EPB41L5: variants seen among roughly 807,000 people sequenced by gnomAD.
The protein encoded by EPB41L5 is band 4.1-like protein 5.
Under a neutral mutation model 106.6 loss-of-function variants are expected in EPB41L5, and 55 were observed. The ratio of observed to expected loss-of-function variants is 0.52; its 90% CI spans 0.42 to 0.65. EPB41L5 has a LOEUF of 0.65. EPB41L5 is among the 30% of genes least tolerant of loss of function. EPB41L5 has a pLI of 0.00. For missense variants in EPB41L5, 871 were observed against 882.1 expected (o/e 0.99, Z 0.16); for synonymous variants, 297 against 306.7 (o/e 0.97, Z 0.33).
chr2:120,074,208 GT>G (rs1682072321), intron 5 of EPB41L5, 30 bp downstream of exon 5: 1 of 1,533,396 alleles, frequency 6.5e-7, no homozygotes, highest in African/African-American at 1.4e-5. Context: ...TTGTGCCAGG[GT>G]TATTTTGATA....
chr2:120,177,392 C>T lies in EPB41L5; in HGVS notation c.*2485C>T, dbSNP rs971005919. On this transcript the variant is annotated 3_prime_UTR_variant, in exon 25 of 25. Coordinates refer to ENST00000263713, the MANE Select transcript of EPB41L5 (RefSeq NM_020909.4). ...GAGGGTTTGCCGTGCACGCCTCGGA[C>T]GGAGCACGGTGGGGTGGCGGGGAGC... 5 of 152,378 alleles carry T rather than the reference C, an allele frequency of 3.3e-5. No homozygotes were observed. Among genetic ancestry groups the T allele is most frequent in the African/African-American group, 7.2e-5 (3 of 41,414 alleles). 9.4% of individuals were successfully genotyped at this position (152,378 alleles called of 1,614,324 possible). A position where few individuals can be genotyped will look rare whatever the true frequency, so the allele number is the denominator to read the frequency against.
At chr2:120,087,301 T>C in intron 11 of EPB41L5, 61 bp downstream of exon 11, 2 of 1,033,700 alleles carry the variant, frequency 1.9e-6, no homozygotes, top group Middle Eastern at 2.1e-4. Context: ...TGGTAACTTA[T>C]TTCTCTAAAA....
At chr2:120,014,315 A>G (rs1677362056) in intron 1 of EPB41L5, among the ~76,000 whole-genome samples, 1 of 152,182 alleles carries the variant, frequency 6.6e-6, no homozygotes, top group African/African-American at 2.4e-5. Context: ...CTAGTTAGGA[A>G]CTAGAGTAGA....
intron 18 of EPB41L5, among the ~76,000 whole-genome samples, chr2:120,133,093 T>G (rs1489220409): frequency 6.6e-6 from 1 of 151,778 alleles, no homozygotes; most frequent in Non-Finnish European, 1.5e-5. Flanking sequence ...AAGGACAGAG[T>G]GCCATCAAAG....
intron 10 of EPB41L5, among the ~76,000 whole-genome samples, chr2:120,086,958 C>T (rs752857762): frequency 5.3e-5 from 8 of 152,130 alleles, no homozygotes; most frequent in Non-Finnish European, 7.3e-5. Flanking sequence ...CTGATATGTG[C>T]AACCTCAATT....
chr2:120,153,611 T>C (rs919736573), intron 20 of EPB41L5, among the ~76,000 whole-genome samples: 1 of 152,216 alleles, frequency 6.6e-6, no homozygotes, highest in African/African-American at 2.4e-5. Context: ...GTTACTATTA[T>C]AGAATTGTCT....
At chr2:120,133,319 C>T (rs1221290289) in intron 18 of EPB41L5, among the ~76,000 whole-genome samples, 1 of 152,100 alleles carries the variant, frequency 6.6e-6, no homozygotes, top group Non-Finnish European at 1.5e-5. Flanking sequence ...ATCATAGTAC[C>T]TGGTTTTAAC....
chr2:120,120,807 A>C (rs1314421375), intron 16 of EPB41L5, among the ~76,000 whole-genome samples: 1 of 152,130 alleles, frequency 6.6e-6, no homozygotes, highest in Non-Finnish European at 1.5e-5. Flanking sequence ...TTTTCTTCTT[A>C]TTGCTTCTTC....
intron 3 of EPB41L5, among the ~76,000 whole-genome samples, chr2:120,050,177 G>A (rs185515336): frequency 8.5e-5 from 13 of 152,126 alleles, no homozygotes; most frequent in African/African-American, 2.9e-4. Flanking sequence ...TCTTTGTGGC[G>A]TTCTCTCTAT....
At chr2:120,050,024 AAG>A (rs1471406109) in intron 3 of EPB41L5, among the ~76,000 whole-genome samples, 1 of 152,194 alleles carries the variant, frequency 6.6e-6, no homozygotes, top group African/African-American at 2.4e-5. Context: ...AGTTTCTGCC[AAG>A]AGATCCACTG....
At chr2:120,142,969 A>G in intron 18 of EPB41L5, 34 bp from the exon 19 acceptor site, 1 of 1,572,504 alleles carries the variant, frequency 6.4e-7, no homozygotes, top group Non-Finnish European at 8.7e-7. Context: ...ATAGTGCATC[A>G]GAGTTGATTA....
intron 3 of EPB41L5, among the ~76,000 whole-genome samples, chr2:120,071,635 A>G (rs1381267928): frequency 6.6e-6 from 1 of 152,118 alleles, no homozygotes; most frequent in Non-Finnish European, 1.5e-5. Context: ...CACATCCACA[A>G]CCATCTTATC....
At chr2:120,067,376 T>TG (rs1681515567) in intron 3 of EPB41L5, among the ~76,000 whole-genome samples, 1 of 152,176 alleles carries the variant, frequency 6.6e-6, no homozygotes. Context: ...TTTCTGAAAT[T>TG]GGATTCCTTG....
chr2:120,138,710 A>G (rs1323907442), intron 18 of EPB41L5, among the ~76,000 whole-genome samples: 1 of 152,104 alleles, frequency 6.6e-6, no homozygotes, highest in Non-Finnish European at 1.5e-5. Flanking sequence ...AAGATATTCC[A>G]TGTTCATGGA....
At chr2:120,151,425 G>T (rs1379243697) in intron 20 of EPB41L5, among the ~76,000 whole-genome samples, 1 of 152,076 alleles carries the variant, frequency 6.6e-6, no homozygotes, top group Non-Finnish European at 1.5e-5. Context: ...GCAGTGAACA[G>T]TTTGAAAACA....
At chr2:120,167,605 G>C in intron 23 of EPB41L5, 98 bp downstream of exon 23, 1 of 1,312,704 alleles carries the variant, frequency 7.6e-7, no homozygotes, top group South Asian at 1.2e-5. Context: ...AAACATGAGG[G>C]TTGTTATCAA....
At chr2:120,098,074 A>G (rs916442974) in intron 14 of EPB41L5, among the ~76,000 whole-genome samples, 2 of 151,936 alleles carry the variant, frequency 1.3e-5, no homozygotes, top group African/African-American at 4.8e-5. Context: ...GAAGAGCAAC[A>G]TGGTTAGTAA....
At chr2:120,031,793 AT>A (rs1678726802) in intron 2 of EPB41L5, among the ~76,000 whole-genome samples, 2 of 152,212 alleles carry the variant, frequency 1.3e-5, no homozygotes, top group South Asian at 4.1e-4. Flanking sequence ...CTGTGGGATT[AT>A]TGGAAGGCAA....
chr2:120,034,774 A>C (rs143471999), intron 2 of EPB41L5, among the ~76,000 whole-genome samples: 1 of 152,186 alleles, frequency 6.6e-6, no homozygotes, highest in Non-Finnish European at 1.5e-5. Context: ...CTGAGCCGAA[A>C]GGATTCCTTA....
Sources: gnomAD v4.1 joint callset for allele counts (sites outside exome capture counted in the v4.1 genomes callset) on GRCh38, gnomAD v4.1.1 for gene constraint, MANE v1.5 for transcripts, NCBI Gene and HGNC (gene_info 2026-07-23, HGNC 2026-07-21) for gene names.